Variants in PRORP observed in about 807,000 individuals in gnomAD.
PRORP encodes the protein protein only RNase P catalytic subunit.
In PRORP, 51 loss-of-function variants were observed where a neutral mutation model predicts 59.4. The ratio of observed to expected loss-of-function variants is 0.86; its 90% CI spans 0.69 to 1.08. The LOEUF is 1.08. Ranked by LOEUF, PRORP falls within the 50% of genes least tolerant of loss-of-function variation. PRORP has a pLI of 0.00. For missense variants in PRORP, 646 were observed against 690.3 expected (o/e 0.94, Z 0.72); for synonymous variants, 231 against 245.6 (o/e 0.94, Z 0.55).
chr14:35,122,957 T>A lies in PRORP; in HGVS notation c.-289T>A. On this transcript the variant is annotated 5_prime_UTR_variant, in exon 2 of 8. The change abolishes an upstream ATG in the 5' untranslated region. Transcript: ENST00000534898. ...GTCTTGTGCTTTTTCCTCAGGTTCA[T>A]GAACTGGAATGTAAGAGGCACCAGA... 1 of 349,988 alleles carries A rather than the reference T, an allele frequency of 2.9e-6. No homozygotes were observed. Among genetic ancestry groups the A allele is most frequent in the Non-Finnish European group, 5.3e-6 (1 of 189,362 alleles). 21.7% of individuals were successfully genotyped at this position (349,988 alleles called of 1,614,324 possible).
Position 35,270,586 on chromosome 14 carries a change from T to C in PRORP, c.1610T>C (p.Leu537Pro), listed in dbSNP as rs2051161511. The C allele has an allele frequency of 6.2e-7, 1 of 1,613,852 alleles. No individual in the cohort carries two copies. Among genetic ancestry groups the C allele is most frequent in the African/African-American group, 1.3e-5 (1 of 74,930 alleles). The part of the protein sequence containing the change: ...AIVNRFPGSK[L>P]TFQRILSYDT... ...GTAAATAGGTTTCCAGGATCAAAAC[T>C]AACCTTTCAGGTAATGGTACCTGTT... The change falls in exon 7 of 8, where the codon CTA (leucine) becomes CCA (proline). Residue 537 changes from leucine (L) to proline (P), a missense_variant. Leu to Pro is a moderately conservative substitution (Grantham distance 98). Coordinates refer to ENST00000534898, the MANE Select transcript of PRORP (RefSeq NM_014672.4).
intron 4 of PRORP, among the ~76,000 whole-genome samples, chr14:35,134,874 T>C (rs1466311649): frequency 1.3e-5 from 2 of 152,198 alleles, no homozygotes; most frequent in Non-Finnish European, 2.9e-5. Context: ...GCAATCCTTG[T>C]GGCTTAGACT....
At chr14:35,165,655 G>A (rs76518732) in intron 4 of PRORP, among the ~76,000 whole-genome samples, 19,392 of 151,688 alleles carry the variant, frequency 0.13, 1,338 homozygotes, top group African/African-American at 0.17. Context: ...TTTTCCCAGA[G>A]TCTCATGTCA....
intron 5 of PRORP, among the ~76,000 whole-genome samples, chr14:35,218,012 T>A (rs2049649470): frequency 6.6e-6 from 1 of 152,236 alleles, no homozygotes. Context: ...TTACATTAAA[T>A]CTGAGGTATG....
intron 5 of PRORP, among the ~76,000 whole-genome samples, chr14:35,256,430 T>C (rs1361794476): frequency 1.4e-5 from 2 of 142,890 alleles, no homozygotes; most frequent in Non-Finnish European, 3.0e-5. Context: ...CTCCTGGGCT[T>C]AAGCGATTCT....
At chr14:35,263,625 T>G (rs1267968298) in intron 5 of PRORP, among the ~76,000 whole-genome samples, 1 of 152,018 alleles carries the variant, frequency 6.6e-6, no homozygotes, top group African/African-American at 2.4e-5. Context: ...GAGGCAGAGG[T>G]TGCAGTGAAC....
chr14:35,167,592 C>T (rs1429257770), intron 4 of PRORP, among the ~76,000 whole-genome samples: 2 of 152,154 alleles, frequency 1.3e-5, no homozygotes, highest in African/African-American at 4.8e-5. Context: ...CCCCTAGCTA[C>T]ATTAAGGCAG....
chr14:35,187,056 G>T (rs906416139), intron 5 of PRORP, among the ~76,000 whole-genome samples: 1 of 152,094 alleles, frequency 6.6e-6, no homozygotes, highest in African/African-American at 2.4e-5. Context: ...TATTTGTTCT[G>T]TAGTTGATGG....
At chr14:35,177,564 G>C (rs1018361292) in intron 4 of PRORP, among the ~76,000 whole-genome samples, 5 of 152,116 alleles carry the variant, frequency 3.3e-5, no homozygotes, top group Non-Finnish European at 5.9e-5. Context: ...ATGGTAGTTT[G>C]TATTTCTGTG....
intron 5 of PRORP, among the ~76,000 whole-genome samples, chr14:35,254,536 G>T (rs930443102): frequency 6.6e-6 from 1 of 152,162 alleles, no homozygotes; most frequent in Non-Finnish European, 1.5e-5. Flanking sequence ...GGGATTACAG[G>T]CATGCGCCAC....
intron 5 of PRORP, among the ~76,000 whole-genome samples, chr14:35,259,375 G>A (rs1231539165): frequency 6.6e-6 from 1 of 151,854 alleles, no homozygotes; most frequent in Admixed American, 6.6e-5. Context: ...ATAGCATATA[G>A]TTGGGTCATG....
At chr14:35,196,419 C>T (rs1209748996) in intron 5 of PRORP, among the ~76,000 whole-genome samples, 4 of 152,160 alleles carry the variant, frequency 2.6e-5, no homozygotes, top group African/African-American at 9.7e-5. Flanking sequence ...ATCACTTGAG[C>T]CCTGGAGATC....
At chr14:35,162,148 T>A (rs1053213645) in intron 4 of PRORP, among the ~76,000 whole-genome samples, 1 of 152,162 alleles carries the variant, frequency 6.6e-6, no homozygotes, top group African/African-American at 2.4e-5. Context: ...TTAACTTGTT[T>A]CAAATCTTTC....
At chr14:35,212,056 G>A (rs1331409275) in intron 5 of PRORP, among the ~76,000 whole-genome samples, 1 of 152,124 alleles carries the variant, frequency 6.6e-6, no homozygotes, top group Admixed American at 6.6e-5. Flanking sequence ...TTTTGATTCT[G>A]TCTCAAGAAA....
At chr14:35,136,528 C>T (rs2047378881) in intron 4 of PRORP, among the ~76,000 whole-genome samples, 1 of 145,210 alleles carries the variant, frequency 6.9e-6, no homozygotes, top group Non-Finnish European at 1.5e-5. Context: ...GCATGCACCA[C>T]CACACCCGGC....
At chr14:35,240,496 T>C (rs1191803731) in intron 5 of PRORP, among the ~76,000 whole-genome samples, 5 of 152,162 alleles carry the variant, frequency 3.3e-5, no homozygotes, top group Non-Finnish European at 5.9e-5. Flanking sequence ...CTGGTGTCAC[T>C]TTTCCTATGC....
At chr14:35,236,430 C>A (rs2050216387) in intron 5 of PRORP, among the ~76,000 whole-genome samples, 1 of 152,160 alleles carries the variant, frequency 6.6e-6, no homozygotes, top group Non-Finnish European at 1.5e-5. Flanking sequence ...CAATTCTTTT[C>A]TTGCTACCCA....
intron 5 of PRORP, among the ~76,000 whole-genome samples, chr14:35,241,195 T>C (rs1355793729): frequency 1.3e-5 from 2 of 152,084 alleles, no homozygotes; most frequent in African/African-American, 2.4e-5. Flanking sequence ...CTGGCCAACA[T>C]GGTGAAACCC....
rs192001234 is a variant in PRORP, at chr14:35,274,106, A to G, written c.*540A>G. The G allele has an allele frequency of 1.3e-5, 2 of 152,214 alleles. No individual in the cohort carries two copies. Among genetic ancestry groups the G allele is most frequent in the African/African-American group, 2.4e-5 (1 of 41,534 alleles). The allele number at this position is 152,214 out of a possible 1,614,324, so 9.4% of individuals were successfully genotyped here. A position where few individuals can be genotyped will look rare whatever the true frequency, so the allele number is the denominator to read the frequency against. On this transcript the variant is annotated 3_prime_UTR_variant, in exon 8 of 8. Coordinates refer to ENST00000534898, the MANE Select transcript of PRORP (RefSeq NM_014672.4). ...GCAGTTTTTAATTACTTATCATCCA[A>G]TTATTTGGATTGGAGAAGAGGGGGC... is the stretch of plus-strand genomic sequence containing the variant.
Sources: gnomAD v4.1 joint callset for allele counts (sites outside exome capture counted in the v4.1 genomes callset) on GRCh38, gnomAD v4.1.1 for gene constraint, MANE v1.5 for transcripts, NCBI Gene and HGNC (gene_info 2026-07-23, HGNC 2026-07-21) for gene names.